Variants in KCNH8 observed in about 807,000 individuals in gnomAD.
The protein encoded by KCNH8 is voltage-gated delayed rectifier potassium channel KCNH8.
In KCNH8, 70 loss-of-function variants were observed where a neutral mutation model predicts 103.6. The ratio of observed to expected loss-of-function variants is 0.68; its 90% CI spans 0.56 to 0.82. The LOEUF (loss-of-function observed/expected upper bound fraction) is 0.82. Ranked by LOEUF, KCNH8 falls within the 40% of genes least tolerant of loss-of-function variation. KCNH8 has a pLI of 0.00. For missense variants in KCNH8, 1,217 were observed against 1,329.9 expected (o/e 0.92, Z 1.32); for synonymous variants, 498 against 489.4 (o/e 1.02, Z -0.23).
chr3:19,374,761 T>C (rs1374602717), intron 5 of KCNH8, among the ~76,000 whole-genome samples: 1 of 152,226 alleles, frequency 6.6e-6, no homozygotes, highest in Non-Finnish European at 1.5e-5. Flanking sequence ...CCTTTCCATG[T>C]TTAGTGCTTC....
At chr3:19,175,197 A>C (rs2063385375) in intron 1 of KCNH8, among the ~76,000 whole-genome samples, 2 of 151,326 alleles carry the variant, frequency 1.3e-5, no homozygotes, top group African/African-American at 4.9e-5. Flanking sequence ...TTGACTTGAA[A>C]CCTGCACAAT....
chr3:19,416,267 A>G (rs1369593453), intron 7 of KCNH8, among the ~76,000 whole-genome samples: 2 of 152,096 alleles, frequency 1.3e-5, no homozygotes, highest in African/African-American at 4.8e-5. Context: ...AGTGTTTTAT[A>G]TATTTCCATT....
At chr3:19,506,318 T>C (rs149732930) in intron 11 of KCNH8, among the ~76,000 whole-genome samples, 256 of 152,346 alleles carry the variant, frequency 1.7e-3, no homozygotes, top group Non-Finnish European at 3.0e-3. Context: ...AATTTGGGTA[T>C]AATCAGTAGG....
At chr3:19,155,259 A>G (rs1254849647) in intron 1 of KCNH8, among the ~76,000 whole-genome samples, 3 of 152,172 alleles carry the variant, frequency 2.0e-5, no homozygotes, top group Non-Finnish European at 4.4e-5. Context: ...GTTGGCCTTG[A>G]CTGCCTACAC....
intron 15 of KCNH8, among the ~76,000 whole-genome samples, chr3:19,533,148 G>A (rs527915730): frequency 4.4e-4 from 66 of 149,262 alleles, no homozygotes; most frequent in Admixed American, 9.4e-4. Flanking sequence ...AGCTTGCAGT[G>A]AGCTGAGATC....
At position 19,434,907 on chromosome 3, in the gene KCNH8, G is replaced by A. The variant is rs2067175364; in HGVS notation, c.1178-3257G>A. On this transcript the variant is annotated intron_variant, in intron 7 of 15. Coordinates refer to ENST00000328405, the MANE Select transcript of KCNH8 (RefSeq NM_144633.3). ...CCTATTTAATAATGATCTCAACACA[G>A]CACAATTTAAAATGATAATTGGAAA... 2.0e-5 allele frequency among the ~76,000 whole-genome samples: 3 copies of A among 152,024 alleles called. No individual in the cohort carries two copies. The South Asian group carries it at 6.2e-4, about 32-fold the overall frequency.
intron 8 of KCNH8, among the ~76,000 whole-genome samples, chr3:19,446,981 C>A (rs1203012839): frequency 6.6e-6 from 1 of 151,914 alleles, no homozygotes; most frequent in East Asian, 1.9e-4. Context: ...TTACAAAATG[C>A]ATTTTATGCA....
intron 3 of KCNH8, among the ~76,000 whole-genome samples, chr3:19,307,733 T>G (rs2065148496): frequency 6.6e-6 from 1 of 151,800 alleles, no homozygotes; most frequent in Non-Finnish European, 1.5e-5. Flanking sequence ...AAGAAAGAAA[T>G]CCCGTCATTC....
In KCNH8 at chr3:19,456,830, G is replaced by GATGTA. The variant is rs1206477043; in HGVS notation, c.1890_1894dup (p.Lys632MetfsTer2). 1 of 1,612,130 alleles carries GATGTA rather than the reference G, an allele frequency of 6.2e-7. No homozygotes were observed. The highest frequency in any genetic ancestry group is 8.5e-7 in the Non-Finnish European group (1 of 1,178,882). On this transcript the variant is annotated frameshift_variant, in exon 11 of 16. Transcript: ENST00000328405. LOFTEE classifies it high-confidence loss of function. The stretch of plus-strand genomic sequence containing the variant: ...GGACCAAGTGATCAAGACCAATGCA[G>GATGTA]ATGTAAAGGCTTTAACCTACTGTGA...
chr3:19,414,168 G>A (rs2066827287), intron 7 of KCNH8, among the ~76,000 whole-genome samples: 1 of 152,040 alleles, frequency 6.6e-6, no homozygotes, highest in Non-Finnish European at 1.5e-5. Context: ...CAGTCACTCT[G>A]CTAGGCCCAG....
intron 11 of KCNH8, among the ~76,000 whole-genome samples, chr3:19,465,471 G>A (rs2067716152): frequency 6.6e-6 from 1 of 152,094 alleles, no homozygotes; most frequent in Non-Finnish European, 1.5e-5. Context: ...TTACCCAAGA[G>A]CTCTGATGGA....
chr3:19,170,810 A>ATATTTT (rs1553620146), intron 1 of KCNH8, among the ~76,000 whole-genome samples: 1 of 75,358 alleles, frequency 1.3e-5, no homozygotes, highest in African/African-American at 5.2e-5. Context: ...ATATATATAT[A>ATATTTT]TTTTTTTTTT....
At chr3:19,397,187 G>T (rs1416406050) in intron 7 of KCNH8, among the ~76,000 whole-genome samples, 3 of 151,664 alleles carry the variant, frequency 2.0e-5, no homozygotes, top group African/African-American at 7.3e-5. Context: ...TTGTATTCTT[G>T]GTCCTTGTAT....
chr3:19,492,464 A>C (rs569739553), intron 11 of KCNH8, among the ~76,000 whole-genome samples: 32 of 152,162 alleles, frequency 2.1e-4, no homozygotes, highest in African/African-American at 7.7e-4. Flanking sequence ...TGTCGATCTT[A>C]TGGAAGGTGA....
At chr3:19,500,980 A>G (rs2068569314) in intron 11 of KCNH8, among the ~76,000 whole-genome samples, 1 of 152,224 alleles carries the variant, frequency 6.6e-6, no homozygotes, top group African/African-American at 2.4e-5. Context: ...AATTTAACAA[A>G]TCCAGGAGCT....
At chr3:19,246,355 C>T (rs2064206689) in intron 1 of KCNH8, among the ~76,000 whole-genome samples, 1 of 145,188 alleles carries the variant, frequency 6.9e-6, no homozygotes, top group African/African-American at 2.6e-5. Context: ...CGGCTCACTG[C>T]ACCCTCTGCC....
chr3:19,465,289 A>G (rs911325170), intron 11 of KCNH8, among the ~76,000 whole-genome samples: 1 of 152,176 alleles, frequency 6.6e-6, no homozygotes, highest in African/African-American at 2.4e-5. Context: ...CTTAAGAAGT[A>G]TGCTAAATCT....
Position 19,324,949 on chromosome 3 carries a change from T to C in KCNH8, c.443-17638T>C, listed in dbSNP as rs373924931. On this transcript the variant is annotated intron_variant, in intron 3 of 15. Transcript: ENST00000328405. ...CTGATTTCAAACTGTACTATGGGGGTACAGTAACCAGAAGAGCATGGTACT... is the reference window on the plus strand; with the variant it reads ...CTGATTTCAAACTGTACTATGGGGGCACAGTAACCAGAAGAGCATGGTACT... 7.2e-5 allele frequency among the ~76,000 whole-genome samples: 11 copies of C among 152,010 alleles called. No individual in the cohort carries two copies. The South Asian group carries it at 2.3e-3, about 32-fold the overall frequency.
intron 2 of KCNH8, among the ~76,000 whole-genome samples, chr3:19,259,035 T>C (rs1445982076): frequency 6.8e-6 from 1 of 146,662 alleles, no homozygotes; most frequent in Non-Finnish European, 1.5e-5. Flanking sequence ...TTTTTATTTC[T>C]AAATAGTAAA....
Sources: allele counts gnomAD v4.1 joint callset (sites outside exome capture counted in the v4.1 genomes callset), GRCh38; gene constraint gnomAD v4.1.1; transcripts MANE v1.5; gene names NCBI Gene and HGNC (gene_info 2026-07-23, HGNC 2026-07-21).